The following HEPACAM2 variants were observed in gnomAD, a reference collection of about 807,000 sequenced individuals.
HEPACAM2 encodes the protein mitotic kinetics regulator.
HEPACAM2 carries 49 observed loss-of-function variants against 49.6 expected under a neutral mutation model. The observed-to-expected ratio is 0.99, with a 90% CI of 0.78 to 1.25. The LOEUF (loss-of-function observed/expected upper bound fraction) is 1.25. HEPACAM2 is among the 50% of genes most tolerant of loss of function. The pLI is 0.00. For missense variants in HEPACAM2, 525 were observed against 557.2 expected, an observed-to-expected ratio of 0.94 and a Z score of 0.58; for synonymous variants, 197 against 202.9, an observed-to-expected ratio of 0.97 and a Z score of 0.25.
At position 93,192,301 on chromosome 7, in the gene HEPACAM2, C is replaced by T. The variant is rs749492464; in HGVS notation, c.1338G>A (p.Val446=). The T allele has an allele frequency of 6.2e-7, 1 of 1,612,904 alleles. No individual in the cohort carries two copies. Among genetic ancestry groups the T allele is most frequent in the Non-Finnish European group, 8.5e-7 (1 of 1,179,208 alleles). The change falls in exon 9 of 10, where the codon GTG becomes GTA. Residue 446 remains valine (V), a synonymous_variant. Transcript: ENST00000394468. ...CAGGGATGTGCTGAATAACTTCATACACTGTACTGTGCAAATCTTGCCCCG... is the reference window on the plus strand; with the variant it reads ...CAGGGATGTGCTGAATAACTTCATATACTGTACTGTGCAAATCTTGCCCCG... ...CVSGQDLHST[V]YEVIQHIPAQ... is the part of the protein sequence containing the mutation.
At chr7:93,190,336 A>G (rs1201537028) in intron 9 of HEPACAM2, among the ~76,000 whole-genome samples, 1 of 152,032 alleles carries the variant, frequency 6.6e-6, no homozygotes, top group Admixed American at 6.6e-5. Flanking sequence ...GAAGGATATT[A>G]CGGATAAGGG....
intron 8 of HEPACAM2, among the ~76,000 whole-genome samples, chr7:93,194,649 A>C (rs1793639908): frequency 6.6e-6 from 1 of 152,232 alleles, no homozygotes; most frequent in East Asian, 1.9e-4. Context: ...GAGGAAGCTT[A>C]CTAGATGAAC....
intron 8 of HEPACAM2, among the ~76,000 whole-genome samples, chr7:93,194,925 T>TTTTTTTTTTTC (rs1793650261): frequency 6.7e-6 from 1 of 149,662 alleles, no homozygotes; most frequent in African/African-American, 2.5e-5. Flanking sequence ...AAAGATCTTT[T>TTTTTTTTTTTC]TTTTTTTTTT....
upstream of HEPACAM2, among the ~76,000 whole-genome samples, chr7:93,227,088 G>T (rs921428467): frequency 2.0e-5 from 3 of 152,274 alleles, no homozygotes; most frequent in South Asian, 6.2e-4. Context: ...AACTGGGACT[G>T]AGGCATGGAC....
intron 1 of HEPACAM2, 35 bp downstream of exon 1, chr7:93,226,333 C>A (rs1338664897): frequency 4.1e-6 from 6 of 1,461,408 alleles, no homozygotes; most frequent in East Asian, 2.3e-5. Context: ...AAAAACCTAA[C>A]AAACAGCTAA....
In HEPACAM2 at chr7:93,212,685, T is replaced by C. The variant is rs182769325; in HGVS notation, c.715+2716A>G. On this transcript the variant is annotated intron_variant, in intron 3 of 9. Coordinates refer to ENST00000394468, the MANE Select transcript of HEPACAM2 (RefSeq NM_001039372.4). ...TATCACACATGCACACAAATTTAAC[T>C]ACATCTCACACTCTACATGTTGCTT... Among the ~76,000 whole-genome samples the C allele has an allele frequency of 3.9e-5, 6 of 152,228 alleles. No individual in the cohort carries two copies. In the East Asian group the frequency reaches 5.8e-4, roughly 15 times the overall value.
At chr7:93,221,634 A>G (rs1794453591) in intron 1 of HEPACAM2, among the ~76,000 whole-genome samples, 1 of 152,196 alleles carries the variant, frequency 6.6e-6, no homozygotes. Context: ...AGAGGAAAGA[A>G]TCCAAGAGGA....
chr7:93,212,604 C>A (rs1778045952), intron 3 of HEPACAM2, among the ~76,000 whole-genome samples: 1 of 152,000 alleles, frequency 6.6e-6, no homozygotes, highest in South Asian at 2.1e-4. Context: ...CCAATATCCA[C>A]ATTTCAGTGG....
chr7:93,232,162 A>ACCTTT, the HEPACAM2 span, among the ~76,000 whole-genome samples: 1 of 152,140 alleles, frequency 6.6e-6, no homozygotes, highest in South Asian at 2.1e-4. Context: ...TAGTGCAAGC[A>ACCTTT]CCTTTGTAAG....
At position 93,215,607 on chromosome 7, in the gene HEPACAM2, C is replaced by T. The variant is rs1399449998; in HGVS notation, c.509G>A (p.Cys170Tyr). Residue 170 changes from cysteine (C) to tyrosine (Y), a missense_variant, in exon 3 of 10, where the codon TGC (cysteine) becomes TAC (tyrosine). Physicochemically the swap from Cys to Tyr is radical, Grantham distance 194. Transcript: ENST00000394468. The part of the protein sequence containing the change: ...VEYVGNMTLT[C>Y]HVEGGTRLAY... ...TAGCCGAGTGCCCCCTTCCACATGG[C>T]ATGTCAGGGTCATGTTCCCCACATA... 2 of 1,613,720 alleles carry T rather than the reference C, an allele frequency of 1.2e-6. No individual in the cohort carries two copies. Among genetic ancestry groups the T allele is most frequent in the Admixed American group, 1.7e-5 (1 of 59,920 alleles).
intron 3 of HEPACAM2, among the ~76,000 whole-genome samples, chr7:93,210,320 C>T (rs192951442): frequency 1.1e-4 from 16 of 151,988 alleles, no homozygotes; most frequent in African/African-American, 3.1e-4. Flanking sequence ...TGTTATTATT[C>T]TAATTTTAAG....
At chr7:93,196,567 T>A (rs1793725861) in intron 7 of HEPACAM2, among the ~76,000 whole-genome samples, 1 of 152,098 alleles carries the variant, frequency 6.6e-6, no homozygotes, top group South Asian at 2.1e-4. Flanking sequence ...TCCACCTATA[T>A]CATTTTATTT....
At chr7:93,205,422 T>G (rs1300132748) in intron 4 of HEPACAM2, 2 of 152,178 alleles carry the variant, frequency 1.3e-5, no homozygotes, top group African/African-American at 4.8e-5. Flanking sequence ...TGGCTCTGTT[T>G]TCCTTTGGCT....
At chr7:93,209,097 G>A (rs1311343134) in intron 3 of HEPACAM2, among the ~76,000 whole-genome samples, 1 of 152,004 alleles carries the variant, frequency 6.6e-6, no homozygotes, top group African/African-American at 2.4e-5. Flanking sequence ...ATTTGAAATA[G>A]TGATTTGAAC....
chr7:93,200,729 T>C (rs1399367955), intron 4 of HEPACAM2, among the ~76,000 whole-genome samples: 1 of 152,158 alleles, frequency 6.6e-6, no homozygotes, highest in African/African-American at 2.4e-5. Flanking sequence ...CGGAGCACTT[T>C]CATATCACAT....
At chr7:93,230,709 C>T (rs1584362552), upstream of HEPACAM2, among the ~76,000 whole-genome samples, 1 of 152,288 alleles carries the variant, frequency 6.6e-6, no homozygotes, top group African/African-American at 2.4e-5. Flanking sequence ...ACACAAAGAA[C>T]AGTCTGACAA....
chr7:93,215,468 A>T lies in HEPACAM2; in HGVS notation c.648T>A (p.Asn216Lys). The T allele has an allele frequency of 1.2e-6, 2 of 1,613,906 alleles. No homozygotes were observed. Among genetic ancestry groups the T allele is most frequent in the South Asian group, 2.2e-5 (2 of 91,070 alleles). The change falls in exon 3 of 10, where the codon AAT (asparagine) becomes AAA (lysine). Residue 216 changes from asparagine (N) to lysine (K), a missense_variant. Transcript: ENST00000394468. ...IAPVTKEDIG[N>K]YSCLVRNPVS... is the part of the protein sequence containing the mutation. The stretch of plus-strand genomic sequence containing the variant: ...CAGGGTTCCTCACCAGGCAGCTGTA[A>T]TTCCCAATGTCTTCCTTGGTTACTG...
the HEPACAM2 span, chr7:93,232,191 C>T: frequency 1.9e-5 from 7 of 378,040 alleles, no homozygotes; most frequent in South Asian, 1.8e-4. Context: ...TCGCAGTGGT[C>T]GCTCTGAGCA....
intron 3 of HEPACAM2, among the ~76,000 whole-genome samples, chr7:93,209,612 C>T (rs1584344554): frequency 6.6e-6 from 1 of 152,014 alleles, no homozygotes; most frequent in East Asian, 1.9e-4. Flanking sequence ...CCCCACTCTT[C>T]CCCATCTCTA....
Sources: gnomAD v4.1 joint callset for allele counts (sites outside exome capture counted in the v4.1 genomes callset) on GRCh38, gnomAD v4.1.1 for gene constraint, MANE v1.5 for transcripts, NCBI Gene and HGNC (gene_info 2026-07-23, HGNC 2026-07-21) for gene names.